PTPRQ: variants seen among roughly 807,000 people sequenced by gnomAD.
The protein encoded by PTPRQ is phosphatidylinositol phosphatase PTPRQ.
In PTPRQ, 199 loss-of-function variants were observed where a neutral mutation model predicts 246.0. The ratio of observed to expected loss-of-function variants is 0.81; its 90% CI spans 0.72 to 0.91. The LOEUF (loss-of-function observed/expected upper bound fraction) is 0.91. Ranked by LOEUF, PTPRQ falls within the 40% of genes least tolerant of loss-of-function variation. The probability of loss-of-function intolerance (pLI) is 0.00; values close to 1 mark genes in which losing one functional copy is unlikely to be tolerated. For synonymous variants in PTPRQ, 869 were observed against 853.2 expected, an observed-to-expected ratio of 1.02 and a Z score of -0.32; for missense variants, 2,624 against 2,528.4, an observed-to-expected ratio of 1.04 and a Z score of -0.81.
chr12:80,444,524 A>G (rs1892492644), intron 1 of PTPRQ, 125 bp downstream of exon 1: 2 of 716,008 alleles, frequency 2.8e-6, no homozygotes, highest in South Asian at 1.7e-5. Context: ...AGGCTGTGAT[A>G]ACGCAGTACG....
intron 6 of PTPRQ, among the ~76,000 whole-genome samples, chr12:80,467,616 A>G (rs1203685233): frequency 1.8e-4 from 28 of 152,174 alleles, no homozygotes; most frequent in Non-Finnish European, 2.9e-5. Context: ...CCAAATGTCC[A>G]ACAATGATAG....
intron 37 of PTPRQ, 121 bp downstream of exon 37, chr12:80,649,790 A>C: frequency 1.5e-6 from 2 of 1,334,476 alleles, no homozygotes; most frequent in Non-Finnish European, 2.0e-6. Flanking sequence ...TCAATACCCA[A>C]TTACCAGGTT....
chr12:80,531,686 A>G (rs868162004), intron 17 of PTPRQ, among the ~76,000 whole-genome samples: 4 of 152,184 alleles, frequency 2.6e-5, no homozygotes, highest in Non-Finnish European at 5.9e-5. Flanking sequence ...AACCTCTTAC[A>G]TATTTGATAT....
intron 14 of PTPRQ, among the ~76,000 whole-genome samples, chr12:80,496,976 C>T (rs1160223780): frequency 6.6e-6 from 1 of 151,682 alleles, no homozygotes; most frequent in Non-Finnish European, 1.5e-5. Flanking sequence ...CAGCATTTGG[C>T]CTGGATCTTA....
intron 33 of PTPRQ, among the ~76,000 whole-genome samples, chr12:80,622,626 T>G (rs1899038726): frequency 6.6e-6 from 1 of 152,088 alleles, no homozygotes; most frequent in African/African-American, 2.4e-5. Flanking sequence ...AACACCCAGA[T>G]TCTTTCAGTA....
intron 25 of PTPRQ, among the ~76,000 whole-genome samples, chr12:80,567,343 T>G (rs1041270573): frequency 7.2e-5 from 11 of 152,210 alleles, no homozygotes; most frequent in African/African-American, 2.4e-4. Context: ...GCTTTTTTCA[T>G]GCTTTTAATA....
At chr12:80,558,840 T>C (rs766353729) in intron 25 of PTPRQ, among the ~76,000 whole-genome samples, 12 of 152,202 alleles carry the variant, frequency 7.9e-5, no homozygotes, top group Non-Finnish European at 1.5e-4. Flanking sequence ...CAATAGCTAA[T>C]TGAATATATT....
At chr12:80,668,871 A>G in intron 39 of PTPRQ, 136 bp from the exon 40 acceptor site, 1 of 1,195,460 alleles carries the variant, frequency 8.4e-7, no homozygotes, top group Non-Finnish European at 1.1e-6. Context: ...TTGAGTATTT[A>G]AGATTATCTA....
At chr12:80,493,483 G>C in intron 10 of PTPRQ, 28 bp downstream of exon 10, 2 of 1,539,206 alleles carry the variant, frequency 1.3e-6, no homozygotes, top group Non-Finnish European at 1.8e-6. Flanking sequence ...TTTCTATAAA[G>C]TTCATTTAAA....
At chr12:80,556,037 T>G (rs1896635955) in intron 25 of PTPRQ, among the ~76,000 whole-genome samples, 1 of 151,578 alleles carries the variant, frequency 6.6e-6, no homozygotes, top group Non-Finnish European at 1.5e-5. Context: ...GCTTGAAGAT[T>G]TTTTTTTTGA....
chr12:80,547,825 A>G (rs1041325383), intron 24 of PTPRQ, among the ~76,000 whole-genome samples: 7 of 152,178 alleles, frequency 4.6e-5, no homozygotes, highest in Non-Finnish European at 7.4e-5. Context: ...TGCCCACTTC[A>G]TAGAGTGTTG....
At position 80,534,023 on chromosome 12, in the gene PTPRQ, C is replaced by A. The variant is rs1895916464; in HGVS notation, c.2687C>A (p.Ser896Ter). 6.7e-7 allele frequency: 1 copy of A among 1,491,010 alleles called. No homozygotes were observed. The highest frequency in any genetic ancestry group is 1.4e-5 in the South Asian group (1 of 71,314). The allele number at this position is 1,491,010 out of a possible 1,614,324, so 92.4% of individuals were successfully genotyped here. A position where few individuals can be genotyped will look rare whatever the true frequency, so the allele number is the denominator to read the frequency against. ...LYYTVYVWNR[S>*]SLKTINVTET... ...TATTCTTTTTATCTCAGGAATAGAT[C>A]ATCATTAAAAACTATTAATGTCACT... The change falls in exon 18 of 45, where the codon TCA (serine) becomes TAA (stop). Residue 896 changes from serine to a stop codon, truncating the protein, a stop_gained. Transcript: ENST00000644991. LOFTEE classifies it high-confidence loss of function.
intron 17 of PTPRQ, among the ~76,000 whole-genome samples, chr12:80,516,361 A>G (rs1418882154): frequency 1.3e-5 from 2 of 152,186 alleles, no homozygotes; most frequent in African/African-American, 2.4e-5. Flanking sequence ...TAACTTATAT[A>G]CAAATCTTGA....
At chr12:80,526,729 C>T (rs1895697991) in intron 17 of PTPRQ, among the ~76,000 whole-genome samples, 1 of 151,906 alleles carries the variant, frequency 6.6e-6, no homozygotes, top group African/African-American at 2.4e-5. Flanking sequence ...TTTTTTAAAG[C>T]AGGGGCTAAC....
chr12:80,521,454 T>A (rs888756452), intron 17 of PTPRQ, among the ~76,000 whole-genome samples: 1 of 152,242 alleles, frequency 6.6e-6, no homozygotes, highest in Non-Finnish European at 1.5e-5. Flanking sequence ...ATGTCCTGAA[T>A]GGTATTGCTT....
chr12:80,524,466 T>A (rs1240539798), intron 17 of PTPRQ, among the ~76,000 whole-genome samples: 5 of 152,138 alleles, frequency 3.3e-5, no homozygotes, highest in Non-Finnish European at 7.4e-5. Context: ...ATTACCAGTC[T>A]CAGGTATGTC....
chr12:80,649,728 T>C, intron 37 of PTPRQ, 59 bp downstream of exon 37: 1 of 1,493,912 alleles, frequency 6.7e-7, no homozygotes, highest in South Asian at 1.4e-5. Flanking sequence ...ATGTGTCACA[T>C]TTCATGTCCA....
intron 16 of PTPRQ, among the ~76,000 whole-genome samples, chr12:80,509,342 T>G (rs1397433406): frequency 6.6e-6 from 1 of 152,020 alleles, no homozygotes; most frequent in Non-Finnish European, 1.5e-5. Context: ...AATATTGAAG[T>G]AAGTCAGGTA....
At chr12:80,543,135 A>C (rs951155759) in intron 23 of PTPRQ, among the ~76,000 whole-genome samples, 1 of 152,102 alleles carries the variant, frequency 6.6e-6, no homozygotes, top group Non-Finnish European at 1.5e-5. Context: ...AAACAGTTGC[A>C]TCATTTTGTT....
Sources: gnomAD v4.1 joint callset for allele counts (sites outside exome capture counted in the v4.1 genomes callset) on GRCh38, gnomAD v4.1.1 for gene constraint, MANE v1.5 for transcripts, NCBI Gene and HGNC (gene_info 2026-07-23, HGNC 2026-07-21) for gene names.